HIBCH: variants seen among roughly 807,000 people sequenced by gnomAD.
HIBCH encodes the protein 3-hydroxyisobutyryl-CoA hydrolase, also known as 3-hydroxyisobutyryl-CoA hydrolase, mitochondrial.
In HIBCH, 50 loss-of-function variants were observed where a neutral mutation model predicts 58.2. That is an observed-to-expected ratio of 0.86 (90% CI 0.68 to 1.09). The LOEUF (loss-of-function observed/expected upper bound fraction) is 1.09, where lower values mean the gene tolerates loss of function less well. Among genes scored for constraint, HIBCH ranks in the 50% least tolerant of loss-of-function variants. The pLI is 0.00. For synonymous variants in HIBCH, 151 were observed against 146.9 expected (o/e 1.03, Z -0.20); for missense variants, 450 against 449.7 (o/e 1.00, Z -0.01).
intron 11 of HIBCH, among the ~76,000 whole-genome samples, chr2:190,221,891 G>A (rs1181383987): frequency 6.6e-6 from 1 of 152,100 alleles, no homozygotes; most frequent in African/African-American, 2.4e-5. Context: ...TCCCTTTACA[G>A]CTCCCCTTCC....
intron 7 of HIBCH, among the ~76,000 whole-genome samples, chr2:190,253,057 C>T (rs942424889): frequency 7.9e-5 from 12 of 151,998 alleles, no homozygotes; most frequent in African/African-American, 1.9e-4. Context: ...GGCATGGTGG[C>T]GCATGCCTGT....
At chr2:190,310,647 C>A (rs1688533026) in intron 2 of HIBCH, 107 bp downstream of exon 2, 1 of 907,090 alleles carries the variant, frequency 1.1e-6, no homozygotes, top group Non-Finnish European at 1.9e-6. Context: ...CCATGATGTA[C>A]CTAAGGTCAA....
intron 11 of HIBCH, among the ~76,000 whole-genome samples, chr2:190,234,126 T>C (rs1344312748): frequency 1.3e-5 from 2 of 152,148 alleles, no homozygotes; most frequent in Non-Finnish European, 2.9e-5. Flanking sequence ...CACTGCACTC[T>C]AGCCTGGGCA....
chr2:190,295,302 C>T (rs1307575508), intron 3 of HIBCH, among the ~76,000 whole-genome samples: 2 of 152,174 alleles, frequency 1.3e-5, no homozygotes, highest in Admixed American at 1.3e-4. Context: ...AAAAGTGTTT[C>T]AGACTTTTTT....
chr2:190,275,146 G>A (rs1687513495), intron 6 of HIBCH, among the ~76,000 whole-genome samples: 1 of 152,138 alleles, frequency 6.6e-6, no homozygotes, highest in Non-Finnish European at 1.5e-5. Context: ...AGTTAGGTTG[G>A]GGAACCAACT....
intron 6 of HIBCH, among the ~76,000 whole-genome samples, chr2:190,262,313 G>A (rs1419601226): frequency 6.6e-6 from 1 of 152,198 alleles, no homozygotes; most frequent in Non-Finnish European, 1.5e-5. Flanking sequence ...CACACCTGCA[G>A]TCCAATTTTC....
At chr2:190,290,080 C>T (rs139052027) in intron 5 of HIBCH, among the ~76,000 whole-genome samples, 110 of 152,078 alleles carry the variant, frequency 7.2e-4, no homozygotes, top group African/African-American at 2.6e-3. Flanking sequence ...GGTTTCAGCA[C>T]GTTGGCCAGG....
At position 190,242,170 on chromosome 2, in the gene HIBCH, C is replaced by G. The variant is rs530135738; in HGVS notation, c.891+2717G>C. 2.6e-5 allele frequency among the ~76,000 whole-genome samples: 4 copies of G among 151,976 alleles called. No individual in the cohort carries two copies. The South Asian group carries it at 8.3e-4, about 32-fold the overall frequency. On this transcript the variant is annotated intron_variant, in intron 11 of 13. Transcript: ENST00000359678. ...GGCTTTGTTCATTCTTTTTCATTCT[C>G]ATTTCTCTAATCTTGTCTTCACATT...
rs893954757 is a variant in HIBCH at position 190,236,252 on chromosome 2, G to A, written c.891+8635C>T. Among the ~76,000 whole-genome samples, 1 of 152,018 alleles carries A rather than the reference G, an allele frequency of 6.6e-6. No homozygotes were observed. The highest frequency in any genetic ancestry group is 2.4e-5 in the African/African-American group (1 of 41,376). On this transcript the variant is annotated intron_variant, in intron 11 of 13. Coordinates refer to ENST00000359678, the MANE Select transcript of HIBCH (RefSeq NM_014362.4). This position sits in a 1 kb window ranked among gnomAD's most constrained non-coding sequence, Gnocchi z 4.1. ...AATATCTCTTGGCATTTGTCCTCAGGGTTAAATGAAACTAAGCTGAAGGTA... is the reference window on the plus strand; with the variant it reads ...AATATCTCTTGGCATTTGTCCTCAGAGTTAAATGAAACTAAGCTGAAGGTA...
chr2:190,248,890 T>G (rs1041974168), intron 9 of HIBCH, among the ~76,000 whole-genome samples: 8 of 151,570 alleles, frequency 5.3e-5, no homozygotes, highest in African/African-American at 1.9e-4. Flanking sequence ...AAAAAAAAAC[T>G]TATAATAAAT....
intron 5 of HIBCH, among the ~76,000 whole-genome samples, chr2:190,289,427 T>C (rs1411221489): frequency 1.3e-5 from 2 of 152,198 alleles, no homozygotes; most frequent in Non-Finnish European, 2.9e-5. Flanking sequence ...TTTTAGTTCA[T>C]AAATATTTAG....
chr2:190,313,470 G>A (rs1046502939), intron 1 of HIBCH, among the ~76,000 whole-genome samples: 1 of 151,976 alleles, frequency 6.6e-6, no homozygotes, highest in Non-Finnish European at 1.5e-5. Flanking sequence ...TGCAATTGGG[G>A]ACCCTTTCTG....
At chr2:190,293,615 T>C (rs1011364584) in intron 4 of HIBCH, among the ~76,000 whole-genome samples, 2 of 152,194 alleles carry the variant, frequency 1.3e-5, no homozygotes, top group African/African-American at 4.8e-5. Context: ...AATTATGTCC[T>C]GAATCCAGCT....
chr2:190,307,609 C>G (rs1445748240), intron 2 of HIBCH, among the ~76,000 whole-genome samples: 1 of 152,060 alleles, frequency 6.6e-6, no homozygotes. Flanking sequence ...TTCGAGGCTA[C>G]AGTAAGCTAA....
intron 1 of HIBCH, among the ~76,000 whole-genome samples, chr2:190,317,485 T>C (rs1025947582): frequency 3.9e-5 from 6 of 152,192 alleles, no homozygotes; most frequent in African/African-American, 1.4e-4. Context: ...CATCCATGAA[T>C]ATACTGGGGC....
chr2:190,268,242 A>C (rs1023487455), intron 6 of HIBCH, among the ~76,000 whole-genome samples: 11 of 152,178 alleles, frequency 7.2e-5, no homozygotes, highest in African/African-American at 2.7e-4. Context: ...ACTTTCCTTT[A>C]GTTAGTGTGG....
intron 11 of HIBCH, among the ~76,000 whole-genome samples, chr2:190,237,833 C>T (rs539015373): frequency 2.4e-4 from 36 of 152,082 alleles, no homozygotes; most frequent in African/African-American, 8.0e-4. Flanking sequence ...GCCCCCTACC[C>T]TGATGGGCCC....
At chr2:190,287,027 C>CGTGTGTGTGTGT (rs56811939) in intron 6 of HIBCH, among the ~76,000 whole-genome samples, 24,534 of 141,976 alleles carry the variant, frequency 0.17, 2,557 homozygotes, top group South Asian at 0.23. Context: ...TAGCATATAA[C>CGTGTGTGTGTGT]GTGTGTGTGT....
chr2:190,234,144 T>G (rs985443287), intron 11 of HIBCH, among the ~76,000 whole-genome samples: 33 of 151,818 alleles, frequency 2.2e-4, no homozygotes, highest in Admixed American at 9.8e-4. Context: ...GCAACAAGAG[T>G]GAAACTCCAT....
Sources: allele counts gnomAD v4.1 joint callset (sites outside exome capture counted in the v4.1 genomes callset), GRCh38; gene constraint gnomAD v4.1.1; non-coding constraint Gnocchi (gnomAD v3.1); transcripts MANE v1.5; gene names NCBI Gene and HGNC (gene_info 2026-07-23, HGNC 2026-07-21).